DHRS1: variants seen among roughly 807,000 people sequenced by gnomAD.
DHRS1 encodes dehydrogenase/reductase 1, also known as dehydrogenase/reductase SDR family member 1.
DHRS1 carries 34 observed loss-of-function variants against 35.2 expected under a neutral mutation model. The observed-to-expected ratio is 0.97, with a 90% CI of 0.74 to 1.29. The LOEUF is 1.29. Among genes scored for constraint, DHRS1 ranks in the 50% most tolerant of loss-of-function variants. The probability of loss-of-function intolerance (pLI) is 0.00; values close to 1 mark genes in which losing one functional copy is unlikely to be tolerated. For missense variants in DHRS1, 354 were observed against 403.6 expected (o/e 0.88, Z 1.05); for synonymous variants, 133 against 160.0 (o/e 0.83, Z 1.27).
At position 24,292,652 on chromosome 14, in the gene DHRS1, C is replaced by T. The variant is rs771885969; in HGVS notation, c.507G>A (p.Ala169=). 2.4e-5 allele frequency: 38 copies of T among 1,614,088 alleles called. No homozygotes were observed. The highest frequency in any genetic ancestry group is 3.3e-4 in the Middle Eastern group (2 of 6,084). The change falls in exon 5 of 9, where the codon GCG becomes GCA. Residue 169 remains alanine (A), a splice_region_variant and synonymous_variant. Coordinates refer to ENST00000288111, the MANE Select transcript of DHRS1 (RefSeq NM_001136050.3). The part of the protein sequence containing the change: ...FNVPYGVGKA[A]CDKLAADCAH... ...AGCTCCTATGCCACTGGGTCCTCAC[C>T]GCAGCTTTGCCCACACCATAGGGGA...
Position 24,291,397 on chromosome 14 carries a change from A to C in DHRS1, c.724+159T>G, listed in dbSNP as rs1477553875. 10 of 1,055,270 alleles carry C rather than the reference A, an allele frequency of 9.5e-6. No individual in the cohort carries two copies. The Middle Eastern group carries it at 1.4e-3, about 148-fold the overall frequency. The allele number at this position is 1,055,270 out of a possible 1,614,324, so 65.4% of individuals were successfully genotyped here. A position where few individuals can be genotyped will look rare whatever the true frequency, so the allele number is the denominator to read the frequency against. On this transcript the variant is annotated intron_variant, in intron 7 of 8. Transcript: ENST00000288111. ...CCAGGAGCCTGCTCCTAAGGCTCTC[A>C]GACCTCAAACTGGGAATGCTGACCC...
chr14:24,291,503 G>A (rs906458166), intron 7 of DHRS1, 53 bp downstream of exon 7: 8 of 1,562,680 alleles, frequency 5.1e-6, no homozygotes, highest in Non-Finnish European at 7.1e-6. Flanking sequence ...GGATGCTACC[G>A]CACTACACAT....
At chr14:24,297,540 G>C (rs1231409573) in intron 2 of DHRS1, among the ~76,000 whole-genome samples, 1 of 152,094 alleles carries the variant, frequency 6.6e-6, no homozygotes, top group Non-Finnish European at 1.5e-5. Flanking sequence ...GCCTCCCAAC[G>C]ACTCACCTGA....
chr14:24,296,897 GGATAT>G lies in DHRS1; in HGVS notation c.151-21_151-17del, dbSNP rs2139101548. ...GGGATTGTGCCTGGAGTAGGACAGGGGATATGAGCTCACATTCACACATGGGTGTG... is the reference window on the plus strand; with the variant it reads ...GGGATTGTGCCTGGAGTAGGACAGGGGAGCTCACATTCACACATGGGTGTG... On this transcript the variant is annotated splice_polypyrimidine_tract_variant and intron_variant, in intron 2 of 8. Transcript: ENST00000288111. 6.2e-7 allele frequency: 1 copy of G among 1,614,098 alleles called. No homozygotes were observed. The highest frequency in any genetic ancestry group is 8.5e-7 in the Non-Finnish European group (1 of 1,180,014).
At chr14:24,295,554 A>G (rs2041235316) in intron 4 of DHRS1, among the ~76,000 whole-genome samples, 1 of 152,212 alleles carries the variant, frequency 6.6e-6, no homozygotes, top group Non-Finnish European at 1.5e-5. Flanking sequence ...TCAGGGCCCA[A>G]GGTCGAGGGT....
chr14:24,293,900 C>T (rs759765629), intron 4 of DHRS1: 1 of 152,096 alleles, frequency 6.6e-6, no homozygotes, highest in South Asian at 2.1e-4. Flanking sequence ...TAACAGTAGA[C>T]TGATAAGTCA....
intron 2 of DHRS1, among the ~76,000 whole-genome samples, chr14:24,298,018 A>G (rs1367183602): frequency 6.6e-6 from 1 of 152,014 alleles, no homozygotes; most frequent in Non-Finnish European, 1.5e-5. Context: ...TCTGTACCTG[A>G]CTTCCTGTTG....
chr14:24,292,422 C>A, intron 5 of DHRS1, 92 bp from the exon 6 acceptor site: 1 of 1,555,612 alleles, frequency 6.4e-7, no homozygotes, highest in Non-Finnish European at 8.7e-7. Flanking sequence ...GCTCCACCCA[C>A]CCTGTCCTTC....
In DHRS1 at chr14:24,291,033, T is replaced by A. The variant is rs745323010; in HGVS notation, c.806-38A>T. On this transcript the variant is annotated intron_variant, in intron 8 of 8. Transcript: ENST00000288111. ...GGAGGAGGAGGATTAGATTCTCATTTCCCACTCCTCAGATACCCTCACCTT... is the reference window on the plus strand; with the variant it reads ...GGAGGAGGAGGATTAGATTCTCATTACCCACTCCTCAGATACCCTCACCTT... 8 of 1,613,614 alleles carry A rather than the reference T, an allele frequency of 5.0e-6. No individual in the cohort carries two copies. The Admixed American group carries it at 1.0e-4, about 20-fold the overall frequency.
At position 24,296,813 on chromosome 14, in the gene DHRS1, G is replaced by C. The variant is rs1293352448; in HGVS notation, c.219C>G (p.Ser73Arg). The change falls in exon 3 of 9, where the codon AGC becomes AGG. Residue 73 changes from serine to arginine, a missense_variant. Transcript: ENST00000288111. ...CDSSQESEVR[S>R]LFEQVDREQQ... The stretch of plus-strand genomic sequence containing the variant: ...GTTCCCGATCCACTTGCTCAAACAG[G>C]CTTCGCACTTCACTCTCCTGGCTTG... The C allele has an allele frequency of 6.2e-7, 1 of 1,614,208 alleles. No individual in the cohort carries two copies. The highest frequency in any genetic ancestry group is 1.1e-5 in the South Asian group (1 of 91,088).
Position 24,291,127 on chromosome 14 carries a change from C to T in DHRS1, c.805+12G>A, listed in dbSNP as rs1289676268. Reference sequence around the variant, plus strand: ...CAGCAGTCAAGGCTGACTGCTGTGCCAGGGTCCTCACCGTCCACATCCCGA... The same window carrying T: ...CAGCAGTCAAGGCTGACTGCTGTGCTAGGGTCCTCACCGTCCACATCCCGA... On this transcript the variant is annotated intron_variant, in intron 8 of 8. Coordinates refer to ENST00000288111, the MANE Select transcript of DHRS1 (RefSeq NM_001136050.3). The T allele has an allele frequency of 1.9e-6, 3 of 1,614,082 alleles. No individual in the cohort carries two copies. The highest frequency in any genetic ancestry group is 4.5e-5 in the East Asian group (2 of 44,874).
intron 2 of DHRS1, 160 bp downstream of exon 2, chr14:24,298,797 C>A (rs1008423916): frequency 1.0e-6 from 1 of 985,984 alleles, no homozygotes; most frequent in Non-Finnish European, 1.4e-6. Flanking sequence ...TCTACCTTAC[C>A]TGAAGTTATT....
chr14:24,291,140 G>A lies in DHRS1; in HGVS notation c.804C>T (p.Asp268=), dbSNP rs200636329. 152 of 1,614,096 alleles carry A rather than the reference G, an allele frequency of 9.4e-5. No individual in the cohort carries two copies. Among genetic ancestry groups the A allele is most frequent in the Middle Eastern group, 1.6e-4 (1 of 6,062 alleles). Residue 268 remains aspartate, a splice_region_variant and synonymous_variant, in exon 8 of 9, where the codon GAC becomes GAT. Coordinates refer to ENST00000288111, the MANE Select transcript of DHRS1 (RefSeq NM_001136050.3). ...LARRYGLRDV[D]GRPVQDYLSL... ...TGACTGCTGTGCCAGGGTCCTCACC[G>A]TCCACATCCCGAAGGCCATAGCGTC...
intron 3 of DHRS1, 44 bp from the exon 4 acceptor site, chr14:24,296,632 G>A: frequency 1.2e-6 from 2 of 1,613,608 alleles, no homozygotes; most frequent in South Asian, 2.2e-5. Context: ...AAGGTAGGGA[G>A]GTGTGAGGGG....
At position 24,299,639 on chromosome 14, in the gene DHRS1, T is replaced by G; in HGVS notation, c.-83A>C. The G allele has an allele frequency of 3.1e-6, 1 of 322,370 alleles. No homozygotes were observed. Among genetic ancestry groups the G allele is most frequent in the Non-Finnish European group, 5.7e-6 (1 of 175,020 alleles). 20.0% of individuals were successfully genotyped at this position (322,370 alleles called of 1,614,324 possible). A position where few individuals can be genotyped will look rare whatever the true frequency, so the allele number is the denominator to read the frequency against. ...TGCGGGGCTGCGGTGGAAGTCTGGG[T>G]TCTCGCCCAGATTGAGCCGGCGACG... On this transcript the variant is annotated 5_prime_UTR_variant, in exon 1 of 9. Coordinates refer to ENST00000288111, the MANE Select transcript of DHRS1 (RefSeq NM_001136050.3).
chr14:24,296,938 A>C, intron 2 of DHRS1, 57 bp from the exon 3 acceptor site: 1 of 1,608,906 alleles, frequency 6.2e-7, no homozygotes, highest in African/African-American at 1.3e-5. Context: ...AGTCATGACA[A>C]AACTCCCCAA....
chr14:24,291,813 C>A, intron 6 of DHRS1, 188 bp from the exon 7 acceptor site: 1 of 641,482 alleles, frequency 1.6e-6, no homozygotes, highest in Non-Finnish European at 2.7e-6. Flanking sequence ...TCCAGGTGAG[C>A]CCTGTGCCCT....
At chr14:24,292,496 G>A in intron 5 of DHRS1, 156 bp downstream of exon 5, 1 of 1,494,758 alleles carries the variant, frequency 6.7e-7, no homozygotes, top group Non-Finnish European at 9.1e-7. Flanking sequence ...AGCCAACCAA[G>A]AGGAGCACAA....
chr14:24,299,376 C>A (rs1353081815), intron 1 of DHRS1: 2 of 367,338 alleles, frequency 5.4e-6, no homozygotes, highest in Non-Finnish European at 5.0e-6. Context: ...ACAACTACTA[C>A]AACCCTCTGA....
Sources: gnomAD v4.1 joint callset for allele counts (sites outside exome capture counted in the v4.1 genomes callset) on GRCh38, gnomAD v4.1.1 for gene constraint, MANE v1.5 for transcripts, NCBI Gene and HGNC (gene_info 2026-07-23, HGNC 2026-07-21) for gene names.